RASEF: variants seen among roughly 807,000 people sequenced by gnomAD.
RASEF encodes RAS and EF-hand domain containing, also known as ras and EF-hand domain-containing protein.
Under a neutral mutation model 90.1 loss-of-function variants are expected in RASEF, and 68 were observed. The ratio of observed to expected loss-of-function variants is 0.75; its 90% CI spans 0.62 to 0.92. RASEF has a LOEUF of 0.92. RASEF is among the 40% of genes least tolerant of loss of function. The probability of loss-of-function intolerance (pLI) is 0.00; values close to 1 mark genes in which losing one functional copy is unlikely to be tolerated. For missense variants in RASEF, 949 were observed against 937.2 expected, an observed-to-expected ratio of 1.01 and a Z score of -0.16; for synonymous variants, 331 against 345.2, an observed-to-expected ratio of 0.96 and a Z score of 0.46.
chr9:83,218,901 A>G, the RASEF span, among the ~76,000 whole-genome samples: 1 of 152,170 alleles, frequency 6.6e-6, no homozygotes, highest in Non-Finnish European at 1.5e-5. Flanking sequence ...CTCACTCCTC[A>G]CAGGAGGACC....
chr9:82,988,570 G>A (rs182886124), intron 16 of RASEF, among the ~76,000 whole-genome samples: 188 of 152,222 alleles, frequency 1.2e-3, no homozygotes, highest in African/African-American at 4.2e-3. Flanking sequence ...TGAATCAAGC[G>A]GGTGGCTCTC....
chr9:83,007,358 C>T (rs923283883), intron 7 of RASEF, 79 bp downstream of exon 7: 16 of 1,138,790 alleles, frequency 1.4e-5, no homozygotes, highest in Non-Finnish European at 1.7e-5. Context: ...TGGCAACTCA[C>T]GTTCTATGTG....
the RASEF span, among the ~76,000 whole-genome samples, chr9:83,122,472 C>A: frequency 6.6e-6 from 1 of 152,058 alleles, no homozygotes; most frequent in African/African-American, 2.4e-5. Context: ...GCAATTAAAG[C>A]TAGTATATTT....
At chr9:83,081,334 A>G in the RASEF span, among the ~76,000 whole-genome samples, 87 of 152,340 alleles carry the variant, frequency 5.7e-4, no homozygotes, top group African/African-American at 2.1e-3. Flanking sequence ...ATTGTTTCGT[A>G]CAGAAAAATA....
the RASEF span, among the ~76,000 whole-genome samples, chr9:83,075,864 A>G: frequency 1.5e-3 from 226 of 152,246 alleles, 1 homozygote; most frequent in African/African-American, 5.3e-3. Flanking sequence ...TAAGTCAGAA[A>G]GAGATCTAAA....
At chr9:83,099,800 A>C in the RASEF span, among the ~76,000 whole-genome samples, 1 of 152,224 alleles carries the variant, frequency 6.6e-6, no homozygotes, top group Non-Finnish European at 1.5e-5. Flanking sequence ...GCTTGCATAC[A>C]TTAGTGCCAG....
At chr9:83,203,097 T>C in the RASEF span, among the ~76,000 whole-genome samples, 31 of 152,272 alleles carry the variant, frequency 2.0e-4, no homozygotes, top group African/African-American at 7.5e-4. Flanking sequence ...ATATGCCCCA[T>C]ATATATAATC....
At chr9:83,169,170 C>T in the RASEF span, among the ~76,000 whole-genome samples, 3 of 152,066 alleles carry the variant, frequency 2.0e-5, no homozygotes, top group South Asian at 2.1e-4. Context: ...CATGCTGCTG[C>T]AAATGACAGG....
chr9:83,070,965 T>G, the RASEF span, among the ~76,000 whole-genome samples: 1 of 152,218 alleles, frequency 6.6e-6, no homozygotes, highest in African/African-American at 2.4e-5. Context: ...AATGATGAAC[T>G]TGTATTCTGA....
At chr9:83,161,440 G>A in the RASEF span, among the ~76,000 whole-genome samples, 1 of 152,022 alleles carries the variant, frequency 6.6e-6, no homozygotes, top group Non-Finnish European at 1.5e-5. Flanking sequence ...CCTTTCTTTG[G>A]GCATATTTCT....
At chr9:83,212,610 C>T in the RASEF span, among the ~76,000 whole-genome samples, 2,205 of 152,278 alleles carry the variant, frequency 0.014, 19 homozygotes, top group South Asian at 0.027. Flanking sequence ...TGGACCTCTG[C>T]GCTTCACTGT....
At chr9:83,183,854 G>A in the RASEF span, among the ~76,000 whole-genome samples, 1 of 152,198 alleles carries the variant, frequency 6.6e-6, no homozygotes, top group African/African-American at 2.4e-5. Flanking sequence ...CCCTCTGGGA[G>A]GGCTTTGGTG....
At chr9:83,194,354 G>T in the RASEF span, among the ~76,000 whole-genome samples, 1 of 152,084 alleles carries the variant, frequency 6.6e-6, no homozygotes, top group African/African-American at 2.4e-5. Flanking sequence ...CCTCAATTTG[G>T]GTTTGTCTAA....
At chr9:83,119,785 A>T in the RASEF span, among the ~76,000 whole-genome samples, 1 of 152,144 alleles carries the variant, frequency 6.6e-6, no homozygotes, top group African/African-American at 2.4e-5. Context: ...TGCTGTTCTT[A>T]TGATAGTGAA....
the RASEF span, among the ~76,000 whole-genome samples, chr9:83,150,681 T>C: frequency 3.3e-5 from 5 of 152,158 alleles, no homozygotes; most frequent in African/African-American, 1.2e-4. Context: ...ACACCAAAGA[T>C]ATTAAACCTC....
chr9:83,138,999 G>A, the RASEF span, among the ~76,000 whole-genome samples: 8 of 152,032 alleles, frequency 5.3e-5, no homozygotes, highest in Non-Finnish European at 7.4e-5. Flanking sequence ...TTGGGAGCAG[G>A]GGTCACAAAA....
intron 15 of RASEF, among the ~76,000 whole-genome samples, chr9:82,991,790 T>C (rs1224976127): frequency 6.6e-6 from 1 of 152,170 alleles, no homozygotes; most frequent in Non-Finnish European, 1.5e-5. Flanking sequence ...CTCTGCGAAA[T>C]CATGGAGAGG....
intron 1 of RASEF, 81 bp downstream of exon 1, chr9:83,062,356 G>A (rs1830222200): frequency 7.2e-7 from 1 of 1,393,362 alleles, no homozygotes; most frequent in East Asian, 2.4e-5. Context: ...GGGGCCATTG[G>A]GTCTGCACAC....
the RASEF span, among the ~76,000 whole-genome samples, chr9:83,159,459 T>C: frequency 6.6e-6 from 1 of 152,232 alleles, no homozygotes; most frequent in South Asian, 2.1e-4. Context: ...GCTCCAATTA[T>C]AAAAACAAGG....
Sources: gnomAD v4.1 joint callset for allele counts (sites outside exome capture counted in the v4.1 genomes callset) on GRCh38, gnomAD v4.1.1 for gene constraint, MANE v1.5 for transcripts, NCBI Gene and HGNC (gene_info 2026-07-23, HGNC 2026-07-21) for gene names.